CADPS: variants seen among roughly 807,000 people sequenced by gnomAD.
CADPS encodes calcium-dependent secretion activator 1.
In CADPS, 57 loss-of-function variants were observed where a neutral mutation model predicts 167.3. The observed-to-expected ratio is 0.34, with a 90% CI of 0.28 to 0.42. The LOEUF (loss-of-function observed/expected upper bound fraction) is 0.42, where lower values mean the gene tolerates loss of function less well. Among genes scored for constraint, CADPS ranks in the 20% least tolerant of loss-of-function variants. The pLI is 1.00. For synonymous variants in CADPS, 676 were observed against 635.3 expected, an observed-to-expected ratio of 1.06 and a Z score of -0.96; for missense variants, 1,414 against 1,738.1, an observed-to-expected ratio of 0.81 and a Z score of 3.32.
At chr3:62,405,525 A>G (rs897995792) in intron 28 of CADPS, among the ~76,000 whole-genome samples, 1 of 151,998 alleles carries the variant, frequency 6.6e-6, no homozygotes, top group Admixed American at 6.6e-5. Context: ...ACTCTTGTAA[A>G]TGGCTTCTAG....
chr3:62,727,542 A>G (rs557808), intron 3 of CADPS, among the ~76,000 whole-genome samples: 100,291 of 151,632 alleles, frequency 0.66, 35,398 homozygotes, highest in African/African-American at 0.91. Context: ...TTCAACAAAA[A>G]AAACTGTCAT....
chr3:62,574,546 T>C lies in CADPS; in HGVS notation c.1578-3608A>G, dbSNP rs551056268. ...CAGCACAAACAGCTCTGGGGTTACA[T>C]AGATCATCTAGCTGTCCTGGTCAGT... On this transcript the variant is annotated intron_variant, in intron 8 of 29. Transcript: ENST00000383710. 1.2e-4 allele frequency among the ~76,000 whole-genome samples: 19 copies of C among 152,312 alleles called. No individual in the cohort carries two copies. In the South Asian group the frequency reaches 2.5e-3, roughly 20 times the overall value.
rs577379729 is a variant in CADPS, at chr3:62,455,001, G to A, written c.3637-9204C>T. Among the ~76,000 whole-genome samples, 5 of 152,088 alleles carry A rather than the reference G, an allele frequency of 3.3e-5. No homozygotes were observed. The East Asian group carries it at 5.8e-4, about 18-fold the overall frequency. On this transcript the variant is annotated intron_variant, in intron 26 of 29. Transcript: ENST00000383710. This position sits in a 1 kb window ranked among gnomAD's most constrained non-coding sequence, Gnocchi z 4.4. ...AGGAAATGATCTCTATTAAGCAAAC[G>A]CATTCTATTCCATGCTCTGATTAGG...
intron 9 of CADPS, 26 bp downstream of exon 9, chr3:62,570,846 C>G (rs564949646): frequency 1.4e-6 from 2 of 1,468,374 alleles, no homozygotes; most frequent in African/African-American, 2.8e-5. Flanking sequence ...ATACTGATGT[C>G]TCTTAAGAGT....
At chr3:62,577,722 G>T (rs1171042460) in intron 8 of CADPS, among the ~76,000 whole-genome samples, 1 of 152,146 alleles carries the variant, frequency 6.6e-6, no homozygotes, top group Non-Finnish European at 1.5e-5. Context: ...AACCCTACAA[G>T]ACAAACACTG....
Position 62,718,287 on chromosome 3 carries a change from T to A in CADPS, c.888+35154A>T, listed in dbSNP as rs925600875. Among the ~76,000 whole-genome samples, 42 of 152,262 alleles carry A rather than the reference T, an allele frequency of 2.8e-4. 1 individual carries two copies. Among genetic ancestry groups the A allele is most frequent in the Middle Eastern group, 3.4e-3 (1 of 294 alleles). On this transcript the variant is annotated intron_variant, in intron 3 of 29. Coordinates refer to ENST00000383710, the MANE Select transcript of CADPS (RefSeq NM_003716.4). ...AGTACATGATGTCTTGGTGAATGAA[T>A]GAATGAATGAATACATTTTTTTAAA...
intron 3 of CADPS, among the ~76,000 whole-genome samples, chr3:62,719,419 CTA>C (rs1564274866): frequency 6.6e-6 from 1 of 152,214 alleles, no homozygotes; most frequent in Non-Finnish European, 1.5e-5. Flanking sequence ...ACCCCACAGA[CTA>C]TATCAGATTC....
chr3:62,461,644 C>T (rs2059362455), intron 26 of CADPS, among the ~76,000 whole-genome samples: 1 of 152,210 alleles, frequency 6.6e-6, no homozygotes, highest in African/African-American at 2.4e-5. Context: ...CCAGAAGATT[C>T]TCCCCTCTTC....
chr3:62,773,932 T>C (rs2089613580), intron 1 of CADPS, among the ~76,000 whole-genome samples: 1 of 152,178 alleles, frequency 6.6e-6, no homozygotes, highest in Admixed American at 6.5e-5. Context: ...TAAAGATCTA[T>C]TTTTGGGCAG....
chr3:62,794,530 A>G (rs985519645), intron 1 of CADPS, among the ~76,000 whole-genome samples: 2 of 152,182 alleles, frequency 1.3e-5, no homozygotes, highest in Non-Finnish European at 2.9e-5. Context: ...TCCAGAGCCC[A>G]CATGTAAACC....
intron 1 of CADPS, among the ~76,000 whole-genome samples, chr3:62,848,055 T>G (rs1427771864): frequency 7.6e-6 from 1 of 130,734 alleles, no homozygotes; most frequent in Non-Finnish European, 1.6e-5. Flanking sequence ...TTTCATGTGT[T>G]TTTTGGCTGC....
At chr3:62,665,945 G>A (rs192305495) in intron 3 of CADPS, among the ~76,000 whole-genome samples, 5 of 152,182 alleles carry the variant, frequency 3.3e-5, no homozygotes, top group African/African-American at 1.2e-4. Flanking sequence ...GGTGGCTGCT[G>A]CTCCTTGTGT....
rs2083297818 is a variant in CADPS, at chr3:62,874,524, A to C, written c.441+65T>G. ...CTCGCCAGCTGCGCCGCCAGCTCCC[A>C]TTGTTCACCCCGCCCGCCTGGCGAC... On this transcript the variant is annotated intron_variant, in intron 1 of 29. Coordinates refer to ENST00000383710, the MANE Select transcript of CADPS (RefSeq NM_003716.4). The surrounding 1 kb of genome is among the most constrained non-coding windows in gnomAD (Gnocchi z 7.1). 2.3e-6 allele frequency: 3 copies of C among 1,301,268 alleles called. No individual in the cohort carries two copies. Among genetic ancestry groups the C allele is most frequent in the Non-Finnish European group, 3.2e-6 (3 of 932,952 alleles). 80.6% of individuals were successfully genotyped at this position (1,301,268 alleles called of 1,614,324 possible). A position where few individuals can be genotyped will look rare whatever the true frequency, so the allele number is the denominator to read the frequency against.
intron 3 of CADPS, among the ~76,000 whole-genome samples, chr3:62,737,246 C>T (rs141133054): frequency 1.0e-3 from 153 of 151,982 alleles, no homozygotes; most frequent in African/African-American, 3.3e-3. Context: ...GCCAGGAGTT[C>T]GAGACCAGCC....
chr3:62,561,733 CTTCTT>C (rs905123063), intron 9 of CADPS, among the ~76,000 whole-genome samples: 3 of 152,172 alleles, frequency 2.0e-5, no homozygotes, highest in African/African-American at 2.4e-5. Flanking sequence ...CTCCTCTCCC[CTTCTT>C]ATCACCTATG....
intron 1 of CADPS, among the ~76,000 whole-genome samples, chr3:62,798,829 A>C (rs971941035): frequency 6.6e-6 from 1 of 152,152 alleles, no homozygotes; most frequent in Non-Finnish European, 1.5e-5. Context: ...GATTATGAAC[A>C]AGGATCTCAC....
intron 24 of CADPS, 166 bp downstream of exon 24, chr3:62,474,007 A>C (rs2060937648): frequency 5.7e-6 from 3 of 527,574 alleles, no homozygotes; most frequent in Admixed American, 3.6e-5. Flanking sequence ...TTAGAAATCT[A>C]CTTGACAAAC....
chr3:62,497,564 A>G (rs2065032548), intron 18 of CADPS, among the ~76,000 whole-genome samples: 1 of 152,208 alleles, frequency 6.6e-6, no homozygotes, highest in Non-Finnish European at 1.5e-5. Flanking sequence ...AATTGTTTAC[A>G]TGTTTGGAGG....
chr3:62,542,080 A>C (rs2152110038), intron 11 of CADPS, among the ~76,000 whole-genome samples: 1 of 152,286 alleles, frequency 6.6e-6, no homozygotes. Context: ...TGGGCTAGTG[A>C]AAAATTCACT....
Sources: allele counts gnomAD v4.1 joint callset (sites outside exome capture counted in the v4.1 genomes callset), GRCh38; gene constraint gnomAD v4.1.1; non-coding constraint Gnocchi (gnomAD v3.1); transcripts MANE v1.5; gene names NCBI Gene and HGNC (gene_info 2026-07-23, HGNC 2026-07-21).